Variants in ENTPD7 observed in about 807,000 individuals in gnomAD.
ENTPD7 encodes the protein ectonucleoside triphosphate diphosphohydrolase 7.
A neutral mutation model predicts 77.9 loss-of-function variants in ENTPD7; 53 were observed. The ratio of observed to expected loss-of-function variants is 0.68; its 90% CI spans 0.55 to 0.85. The LOEUF (loss-of-function observed/expected upper bound fraction) is 0.85, where lower values mean the gene tolerates loss of function less well. Among genes scored for constraint, ENTPD7 ranks in the 40% least tolerant of loss-of-function variants. The pLI, the probability that ENTPD7 is intolerant of heterozygous loss-of-function variation, is 0.00. For synonymous variants in ENTPD7, 248 were observed against 274.9 expected (o/e 0.90, Z 0.97); for missense variants, 636 against 743.7 (o/e 0.86, Z 1.68).
intron 2 of ENTPD7, among the ~76,000 whole-genome samples, chr10:99,660,967 CTG>C (rs2035477626): frequency 6.6e-6 from 1 of 152,052 alleles, no homozygotes; most frequent in Non-Finnish European, 1.5e-5. Flanking sequence ...ATGTTTGCCT[CTG>C]AGAGATTGTG....
chr10:99,686,005 A>G, intron 6 of ENTPD7, 110 bp downstream of exon 6: 1 of 672,888 alleles, frequency 1.5e-6, no homozygotes, highest in Non-Finnish European at 2.5e-6. Context: ...TTTTTCTGCC[A>G]ATAATTTTCT....
At chr10:99,686,988 G>A (rs1225545359) in intron 6 of ENTPD7, among the ~76,000 whole-genome samples, 1 of 141,928 alleles carries the variant, frequency 7.0e-6, no homozygotes, top group Non-Finnish European at 1.5e-5. Flanking sequence ...TGTGATCTCT[G>A]CTTACTGCAA....
Position 99,705,931 on chromosome 10 carries a change from A to G in ENTPD7, c.*1248A>G, listed in dbSNP as rs1011946728. 9.2e-5 allele frequency: 14 copies of G among 152,190 alleles called. No individual in the cohort carries two copies. The highest frequency in any genetic ancestry group is 3.4e-4 in the African/African-American group (14 of 41,446). The allele number at this position is 152,190 out of a possible 1,614,324, so 9.4% of individuals were successfully genotyped here. A position where few individuals can be genotyped will look rare whatever the true frequency, so the allele number is the denominator to read the frequency against. On this transcript the variant is annotated 3_prime_UTR_variant, in exon 13 of 13. Transcript: ENST00000370489. ...GCTTCTCCTCCACATTTAGCCATTA[A>G]ATTGCATGAGGATTTCTCTTCATCA... is the stretch of plus-strand genomic sequence containing the variant.
At chr10:99,682,032 T>C (rs2035760474) in intron 5 of ENTPD7, among the ~76,000 whole-genome samples, 1 of 152,214 alleles carries the variant, frequency 6.6e-6, no homozygotes, top group Admixed American at 6.5e-5. Flanking sequence ...ATTTTTAGTT[T>C]GATATAGTCT....
At chr10:99,698,303 A>G (rs1338331422) in intron 9 of ENTPD7, among the ~76,000 whole-genome samples, 2 of 152,224 alleles carry the variant, frequency 1.3e-5, no homozygotes, top group Non-Finnish European at 2.9e-5. Flanking sequence ...GGAAATACAC[A>G]TGTTGACTAA....
chr10:99,688,826 A>C, intron 7 of ENTPD7, 76 bp downstream of exon 7: 2 of 1,406,442 alleles, frequency 1.4e-6, no homozygotes, highest in African/African-American at 1.4e-5. Context: ...GTAGCATGTA[A>C]ATGCAAATTT....
chr10:99,665,945 T>C (rs891510094), intron 3 of ENTPD7, among the ~76,000 whole-genome samples: 5 of 152,166 alleles, frequency 3.3e-5, no homozygotes, highest in Non-Finnish European at 7.4e-5. Context: ...AATCCATAAT[T>C]TGAGTTTGTT....
chr10:99,695,610 G>T (rs7916035), intron 8 of ENTPD7, among the ~76,000 whole-genome samples: 151,318 of 152,286 alleles, frequency 0.99, 75,189 homozygotes, highest in Middle Eastern at 1. Context: ...ATTAAAGGAT[G>T]TTTTCCTATT....
At chr10:99,675,478 A>C (rs1470475642) in intron 3 of ENTPD7, among the ~76,000 whole-genome samples, 1 of 131,668 alleles carries the variant, frequency 7.6e-6, no homozygotes, top group African/African-American at 2.8e-5. Context: ...CATGTTTTTT[A>C]ATGGATTTTA....
chr10:99,710,135 ACTC>A lies in ENTPD7; in HGVS notation c.*5458_*5460del, dbSNP rs1410892751. ...ACCACTTGTATACCCTCTGGTGGCC[ACTC>A]CTCCTTCTCCACTCCAAGGCAGCCC... is the stretch of plus-strand genomic sequence containing the variant. On this transcript the variant is annotated 3_prime_UTR_variant, in exon 13 of 13. Transcript: ENST00000370489. 1 of 985,134 alleles carries A rather than the reference ACTC, an allele frequency of 1.0e-6. No homozygotes were observed. The highest frequency in any genetic ancestry group is 1.2e-6 in the Non-Finnish European group (1 of 829,912). The allele number at this position is 985,134 out of a possible 1,614,324, so 61.0% of individuals were successfully genotyped here.
chr10:99,696,806 A>C (rs1419909585), intron 9 of ENTPD7, among the ~76,000 whole-genome samples: 2 of 152,214 alleles, frequency 1.3e-5, no homozygotes, highest in African/African-American at 2.4e-5. Flanking sequence ...TCCATCATTA[A>C]ATTTACACAA....
chr10:99,704,684 G>A lies in ENTPD7; in HGVS notation c.*1G>A. 1.9e-6 allele frequency: 3 copies of A among 1,611,718 alleles called. No individual in the cohort carries two copies. The highest frequency in any genetic ancestry group is 2.5e-6 in the Non-Finnish European group (3 of 1,178,916). On this transcript the variant is annotated 3_prime_UTR_variant, in exon 13 of 13. Transcript: ENST00000370489. ...GATGGGAGTACAGGTGGGGCCGTGAGGCTGGACCAGGACTAGAGAAGCTTG... is the reference window on the plus strand; with the variant it reads ...GATGGGAGTACAGGTGGGGCCGTGAAGCTGGACCAGGACTAGAGAAGCTTG...
intron 3 of ENTPD7, among the ~76,000 whole-genome samples, chr10:99,671,783 C>A (rs1235889674): frequency 6.6e-6 from 1 of 152,146 alleles, no homozygotes; most frequent in Non-Finnish European, 1.5e-5. Flanking sequence ...GAACTATTGT[C>A]TGAAGAATGT....
intron 9 of ENTPD7, 49 bp from the exon 10 acceptor site, chr10:99,698,485 T>C (rs372692994): frequency 1.3e-4 from 199 of 1,554,338 alleles, no homozygotes; most frequent in Admixed American, 1.4e-4. Flanking sequence ...CTAGGTTGAA[T>C]ACAGGCATGA....
At chr10:99,669,668 A>G (rs1032273230) in intron 3 of ENTPD7, among the ~76,000 whole-genome samples, 12 of 149,914 alleles carry the variant, frequency 8.0e-5, no homozygotes, top group Non-Finnish European at 1.6e-4. Context: ...GCAGAGATTT[A>G]CCACATATCC....
intron 7 of ENTPD7, among the ~76,000 whole-genome samples, chr10:99,690,985 T>G (rs991933107): frequency 5.3e-5 from 8 of 152,134 alleles, no homozygotes; most frequent in African/African-American, 1.9e-4. Context: ...TTAGTATACT[T>G]GTTTGCTTTC....
At chr10:99,667,567 A>C (rs575042237) in intron 3 of ENTPD7, among the ~76,000 whole-genome samples, 114 of 152,374 alleles carry the variant, frequency 7.5e-4, no homozygotes, top group Middle Eastern at 6.8e-3. Context: ...ATTTGATATC[A>C]CTAAGTTCAT....
chr10:99,679,786 C>A lies in ENTPD7; in HGVS notation c.459C>A (p.Ser153Arg). The change falls in exon 5 of 13, where the codon AGC becomes AGA. Residue 153 changes from serine (S) to arginine (R), a missense_variant. Ser to Arg is a moderately radical substitution (Grantham distance 110). Around this residue, in one of 3 missense-constraint regions of ENTPD7, gnomAD observed 486 missense variants for 556.5 expected, o/e 0.87. Coordinates refer to ENST00000370489, the MANE Select transcript of ENTPD7 (RefSeq NM_020354.5). ...HASDYLRPLL[S>R]FAAAHVPVKK... ...GTGATTACCTTCGTCCTCTGCTGAG[C>A]TTTGCTGCTGCTCATGTGCCTGTGA... The A allele has an allele frequency of 6.2e-7, 1 of 1,614,232 alleles. No individual in the cohort carries two copies. The highest frequency in any genetic ancestry group is 1.1e-5 in the South Asian group (1 of 91,090).
chr10:99,662,739 G>A (rs6584306), intron 3 of ENTPD7, among the ~76,000 whole-genome samples: 38,508 of 152,140 alleles, frequency 0.25, 5,104 homozygotes, highest in Non-Finnish European at 0.29. Flanking sequence ...AGACAGAAGC[G>A]TGGCCCTGGG....
Sources: allele counts gnomAD v4.1 joint callset (sites outside exome capture counted in the v4.1 genomes callset), GRCh38; gene constraint gnomAD v4.1.1; regional missense constraint gnomAD v4.1.1; transcripts MANE v1.5; gene names NCBI Gene and HGNC (gene_info 2026-07-23, HGNC 2026-07-21).